Variants in KCNMA1 observed in about 807,000 individuals in gnomAD.
KCNMA1 encodes Calcium-activated potassium channel subunit alpha-1.
In KCNMA1, 29 loss-of-function variants were observed where a neutral mutation model predicts 140.0. The observed-to-expected ratio is 0.21, with a 90% CI of 0.15 to 0.28. The LOEUF is 0.28. KCNMA1 is among the 10% of genes least tolerant of loss of function. KCNMA1 has a pLI of 1.00. For synonymous variants in KCNMA1, 612 were observed against 611.9 expected, an observed-to-expected ratio of 1.00 and a Z score of 0.00; for missense variants, 880 against 1,602.2, an observed-to-expected ratio of 0.55 and a Z score of 7.70.
chr10:77,131,277 C>T (rs1378284268), intron 5 of KCNMA1, among the ~76,000 whole-genome samples: 1 of 152,174 alleles, frequency 6.6e-6, no homozygotes, highest in African/African-American at 2.4e-5. Context: ...ACAGCATTCA[C>T]ATATAGGCTA....
At chr10:76,985,992 T>C (rs1453154841) in intron 19 of KCNMA1, among the ~76,000 whole-genome samples, 1 of 152,142 alleles carries the variant, frequency 6.6e-6, no homozygotes, top group Non-Finnish European at 1.5e-5. Context: ...TTGAAACAAA[T>C]AAACCTCAAA....
intron 1 of KCNMA1, among the ~76,000 whole-genome samples, chr10:77,428,355 G>T (rs2097072790): frequency 1.3e-5 from 2 of 152,144 alleles, no homozygotes; most frequent in African/African-American, 2.4e-5. Context: ...AAATAACGAG[G>T]TCTCTGATGA....
At chr10:77,589,905 T>C (rs1248394555) in intron 1 of KCNMA1, among the ~76,000 whole-genome samples, 1 of 152,146 alleles carries the variant, frequency 6.6e-6, no homozygotes, top group African/African-American at 2.4e-5. Context: ...TTCATTCTCT[T>C]ATCTGGCCCC....
intron 23 of KCNMA1, among the ~76,000 whole-genome samples, chr10:76,937,133 C>T (rs1398214360): frequency 6.6e-6 from 1 of 152,198 alleles, no homozygotes; most frequent in Admixed American, 6.5e-5. Flanking sequence ...ATAGGAGGCT[C>T]GCTGCATTTG....
intron 1 of KCNMA1, among the ~76,000 whole-genome samples, chr10:77,618,862 T>C (rs765690722): frequency 3.0e-4 from 45 of 152,030 alleles, no homozygotes; most frequent in Non-Finnish European, 8.8e-5. Flanking sequence ...TACCAGCACA[T>C]CCCTGGATAA....
chr10:77,046,314 CAG>C (rs2095052784), intron 14 of KCNMA1, among the ~76,000 whole-genome samples: 1 of 152,176 alleles, frequency 6.6e-6, no homozygotes, highest in African/African-American at 2.4e-5. Flanking sequence ...TTGTCTGAAA[CAG>C]AATGCAGTCA....
intron 2 of KCNMA1, among the ~76,000 whole-genome samples, chr10:77,298,598 C>T (rs2075807329): frequency 8.8e-6 from 1 of 114,052 alleles, no homozygotes; most frequent in South Asian, 3.0e-4. Context: ...GGTGATAAGG[C>T]AGGAGGGGGC....
intron 15 of KCNMA1, among the ~76,000 whole-genome samples, chr10:77,036,829 T>C (rs1040691598): frequency 6.6e-5 from 10 of 152,218 alleles, no homozygotes; most frequent in Non-Finnish European, 1.5e-4. Context: ...TTTTCTTTAA[T>C]TTAAAGTAGA....
chr10:77,002,901 C>T (rs1009610190), intron 18 of KCNMA1, among the ~76,000 whole-genome samples: 1 of 152,134 alleles, frequency 6.6e-6, no homozygotes, highest in Non-Finnish European at 1.5e-5. Context: ...TCCCTGCACC[C>T]ACACCTTCCA....
At chr10:77,431,108 T>C (rs1189768753) in intron 1 of KCNMA1, among the ~76,000 whole-genome samples, 2 of 152,200 alleles carry the variant, frequency 1.3e-5, no homozygotes, top group East Asian at 3.9e-4. Flanking sequence ...AGATAAAAGA[T>C]CAATTTCCAG....
At chr10:77,402,773 G>A (rs1294325113) in intron 2 of KCNMA1, among the ~76,000 whole-genome samples, 1 of 152,116 alleles carries the variant, frequency 6.6e-6, no homozygotes. Flanking sequence ...TCCCTGCCTG[G>A]TCTTTGAGCC....
chr10:76,895,036 C>T (rs531095201), intron 25 of KCNMA1, among the ~76,000 whole-genome samples: 6 of 152,294 alleles, frequency 3.9e-5, no homozygotes, highest in African/African-American at 1.2e-4. Flanking sequence ...AAGACTGACC[C>T]GCACTTAATC....
intron 1 of KCNMA1, among the ~76,000 whole-genome samples, chr10:77,520,827 C>T (rs115919168): frequency 1.0e-3 from 158 of 152,260 alleles, no homozygotes; most frequent in African/African-American, 3.6e-3. Flanking sequence ...TCCAAGAGAC[C>T]TTCCAGCCTC....
intron 5 of KCNMA1, among the ~76,000 whole-genome samples, chr10:77,165,380 T>C: frequency 6.6e-6 from 1 of 152,252 alleles, no homozygotes; most frequent in East Asian, 1.9e-4. Context: ...TTTCTTTCTT[T>C]TTAGGTCTGA....
intron 21 of KCNMA1, chr10:76,952,066 A>G: frequency 6.4e-7 from 1 of 1,552,232 alleles, no homozygotes; most frequent in Non-Finnish European, 8.7e-7. Context: ...CTGGCAGGAG[A>G]TGTTGATTGA....
intron 2 of KCNMA1, among the ~76,000 whole-genome samples, chr10:77,265,307 C>T (rs1166156241): frequency 6.6e-6 from 1 of 152,222 alleles, no homozygotes; most frequent in African/African-American, 2.4e-5. Context: ...CCGCCTTGGT[C>T]TCCCAAAGTG....
chr10:76,889,667 G>T, intron 26 of KCNMA1, 98 bp from the exon 27 acceptor site: 1 of 991,242 alleles, frequency 1.0e-6, no homozygotes, highest in Non-Finnish European at 1.6e-6. Context: ...AGCTTGTTTT[G>T]GTGTCTCCCA....
At chr10:77,519,116 C>A (rs970921114) in intron 1 of KCNMA1, among the ~76,000 whole-genome samples, 1 of 152,264 alleles carries the variant, frequency 6.6e-6, no homozygotes, top group Admixed American at 6.5e-5. Context: ...AAGCCACACA[C>A]CACGTCTGCT....
At chr10:77,379,544 T>C (rs958363582) in intron 2 of KCNMA1, among the ~76,000 whole-genome samples, 1 of 150,840 alleles carries the variant, frequency 6.6e-6, no homozygotes, top group African/African-American at 2.4e-5. Flanking sequence ...TAGGATGCAG[T>C]TGTGAAGAGA....
Sources: allele counts gnomAD v4.1 joint callset (sites outside exome capture counted in the v4.1 genomes callset), GRCh38; gene constraint gnomAD v4.1.1; transcripts MANE v1.5; gene names NCBI Gene and HGNC (gene_info 2026-07-23, HGNC 2026-07-21).